Variants in SFTPD observed in about 807,000 individuals in gnomAD.
SFTPD encodes surfactant protein D, also known as pulmonary surfactant-associated protein D.
Under a neutral mutation model 34.6 loss-of-function variants are expected in SFTPD, and 18 were observed. The observed-to-expected ratio is 0.52, with a 90% confidence interval of 0.36 to 0.77. The LOEUF (loss-of-function observed/expected upper bound fraction) is 0.77. Ranked by LOEUF, SFTPD falls within the 30% of genes least tolerant of loss-of-function variation. The pLI is 0.00. For synonymous variants in SFTPD, 155 were observed against 180.9 expected (o/e 0.86, Z 1.15); for missense variants, 433 against 468.9 (o/e 0.92, Z 0.71).
intron 1 of SFTPD, 69 bp from the exon 2 acceptor site, chr10:79,946,731 G>A: frequency 7.1e-7 from 1 of 1,408,988 alleles, no homozygotes; most frequent in East Asian, 2.4e-5. Flanking sequence ...GCTTGGCTCA[G>A]CTTCTAGAGG....
intron 1 of SFTPD, 120 bp from the exon 2 acceptor site, chr10:79,946,782 G>A: frequency 1.1e-6 from 1 of 876,832 alleles, no homozygotes; most frequent in Non-Finnish European, 1.8e-6. Flanking sequence ...CCTCTGCTAT[G>A]GGGCCTAGAG....
intron 1 of SFTPD, among the ~76,000 whole-genome samples, chr10:79,962,700 G>GT (rs1842780433): frequency 6.6e-6 from 1 of 152,098 alleles, no homozygotes; most frequent in African/African-American, 2.4e-5. Flanking sequence ...ATTTATGCTT[G>GT]TAAGTGTGTT....
intron 3 of SFTPD, 121 bp from the exon 4 acceptor site, chr10:79,942,625 T>C: frequency 1.1e-6 from 1 of 903,836 alleles, no homozygotes; most frequent in South Asian, 1.4e-5. Context: ...CAACAGCAGG[T>C]CCCATCTGTC....
rs1226593821 is a variant in SFTPD, at chr10:79,960,684, T to C, written c.37-14022A>G. On this transcript the variant is annotated intron_variant, in intron 1 of 5. Coordinates refer to the SFTPD transcript ENST00000444384. ...TGGAAGAACATTCCATGCTCATGGG[T>C]AGGAAGAATCAATATCGTGAAAATG... Among the ~76,000 whole-genome samples the C allele has an allele frequency of 3.3e-5, 5 of 151,802 alleles. No individual in the cohort carries two copies. In the East Asian group the frequency reaches 5.8e-4, roughly 18 times the overall value.
intron 1 of SFTPD, among the ~76,000 whole-genome samples, chr10:79,979,297 G>T (rs1177369616): frequency 1.3e-5 from 2 of 152,138 alleles, no homozygotes; most frequent in African/African-American, 2.4e-5. Flanking sequence ...CCCATGCCCT[G>T]CAGGAACACC....
chr10:79,940,168 G>C (rs1430093173), intron 7 of SFTPD, among the ~76,000 whole-genome samples: 2 of 152,202 alleles, frequency 1.3e-5, no homozygotes, highest in Non-Finnish European at 2.9e-5. Context: ...TGGTTTCTGG[G>C]CTGCCTTGGG....
In SFTPD at chr10:79,946,615, G is replaced by C; in HGVS notation, c.45C>G (p.Pro15=). 1 of 1,614,204 alleles carries C rather than the reference G, an allele frequency of 6.2e-7. No homozygotes were observed. Among genetic ancestry groups the C allele is most frequent in the Non-Finnish European group, 8.5e-7 (1 of 1,180,040 alleles). The change falls in exon 2 of 8, where the codon CCC becomes CCG. Residue 15 remains proline, a synonymous_variant. Transcript: ENST00000372292. ...LLSALVLLTQ[P]LGYLEAEMKT... is the part of the protein sequence containing the mutation. ...TCATTTCTGCTTCCAGGTAGCCCAG[G>C]GGCTGTGTGAGCAGGACCAGTGCAG... is the stretch of plus-strand genomic sequence containing the variant.
At chr10:79,957,434 C>G (rs1428259294) in intron 1 of SFTPD, among the ~76,000 whole-genome samples, 5 of 152,142 alleles carry the variant, frequency 3.3e-5, no homozygotes, top group Non-Finnish European at 5.9e-5. Context: ...ACTAGAATAA[C>G]CAATGCAGAG....
chr10:79,938,884 G>A (rs1842584341), intron 7 of SFTPD, among the ~76,000 whole-genome samples: 1 of 152,206 alleles, frequency 6.6e-6, no homozygotes, highest in Non-Finnish European at 1.5e-5. Context: ...CAGCCTGCCT[G>A]GGAGGTGCTG....
chr10:79,957,748 T>C (rs1842748368), intron 1 of SFTPD, among the ~76,000 whole-genome samples: 1 of 152,184 alleles, frequency 6.6e-6, no homozygotes, highest in South Asian at 2.1e-4. Context: ...CCAGGAGAAC[T>C]TCCCCAATGT....
chr10:79,947,900 A>T (rs1842681599), intron 1 of SFTPD, among the ~76,000 whole-genome samples: 1 of 152,202 alleles, frequency 6.6e-6, no homozygotes, highest in Non-Finnish European at 1.5e-5. Flanking sequence ...CCGTAAAGTT[A>T]TGAGAGTGAA....
At chr10:79,957,890 C>T (rs1366952207) in intron 1 of SFTPD, among the ~76,000 whole-genome samples, 1 of 152,178 alleles carries the variant, frequency 6.6e-6, no homozygotes, top group Non-Finnish European at 1.5e-5. Context: ...ATGTTAAGGA[C>T]AGCCAGAGAG....
At chr10:79,949,419 G>A (rs1466096835), upstream of SFTPD, among the ~76,000 whole-genome samples, 4 of 152,220 alleles carry the variant, frequency 2.6e-5, no homozygotes, top group African/African-American at 9.6e-5. Flanking sequence ...CCAGCAGGTT[G>A]CACAATGACC....
At chr10:79,961,087 AG>A (rs1322512630) in intron 1 of SFTPD, among the ~76,000 whole-genome samples, 11 of 152,252 alleles carry the variant, frequency 7.2e-5, no homozygotes, top group Non-Finnish European at 1.5e-4. Flanking sequence ...AAAACTGGCT[AG>A]CCATAAGTAG....
intron 7 of SFTPD, among the ~76,000 whole-genome samples, chr10:79,940,201 A>T (rs1842596981): frequency 6.6e-6 from 1 of 151,988 alleles, no homozygotes; most frequent in South Asian, 2.1e-4. Flanking sequence ...ATCACTGGGG[A>T]CTCCCATACC....
chr10:79,946,183 C>T (rs923483022), intron 2 of SFTPD, among the ~76,000 whole-genome samples: 2 of 152,140 alleles, frequency 1.3e-5, no homozygotes, highest in Non-Finnish European at 2.9e-5. Context: ...CTAGAAGGCC[C>T]CAGATATCAG....
intron 1 of SFTPD, among the ~76,000 whole-genome samples, chr10:79,974,824 TA>T (rs1397228399): frequency 6.6e-6 from 1 of 152,186 alleles, no homozygotes; most frequent in Non-Finnish European, 1.5e-5. Context: ...CCAGCAGTGC[TA>T]GAGGAATTAA....
chr10:79,951,063 T>G (rs1842707206), upstream of SFTPD: 1 of 152,122 alleles, frequency 6.6e-6, no homozygotes, highest in Admixed American at 6.5e-5. Flanking sequence ...AATCTCTATC[T>G]CTTTTGTAAA....
At chr10:79,981,512 G>A (rs972562191) in intron 1 of SFTPD, among the ~76,000 whole-genome samples, 9 of 152,254 alleles carry the variant, frequency 5.9e-5, no homozygotes, top group African/African-American at 2.2e-4. Flanking sequence ...CCCCGCCTGG[G>A]CACCCCGACC....
Sources: allele counts gnomAD v4.1 joint callset (sites outside exome capture counted in the v4.1 genomes callset), GRCh38; gene constraint gnomAD v4.1.1; transcripts MANE v1.5; gene names NCBI Gene and HGNC (gene_info 2026-07-23, HGNC 2026-07-21).